The following NXPH1 variants were observed in gnomAD, a reference collection of about 807,000 sequenced individuals.
The protein encoded by NXPH1 is neurexophilin 1, also known as neurexophilin-1.
NXPH1 carries 5 observed loss-of-function variants against 23.7 expected under a neutral mutation model. The observed-to-expected ratio is 0.21, with a 90% CI of 0.11 to 0.44. The LOEUF is 0.44. Among genes scored for constraint, NXPH1 ranks in the 20% least tolerant of loss-of-function variants. The pLI, the probability that NXPH1 is intolerant of heterozygous loss-of-function variation, is 0.99. For synonymous variants in NXPH1, 144 were observed against 122.2 expected (o/e 1.18, Z -1.18); for missense variants, 324 against 321.6 (o/e 1.01, Z -0.06).
chr7:8,505,163 A>G (rs767590872), intron 2 of NXPH1, among the ~76,000 whole-genome samples: 8 of 151,958 alleles, frequency 5.3e-5, no homozygotes, highest in Non-Finnish European at 8.8e-5. Context: ...TCCTCATATT[A>G]AGTGAATGCC....
At chr7:8,523,407 A>G (rs1817807764) in intron 2 of NXPH1, among the ~76,000 whole-genome samples, 1 of 152,218 alleles carries the variant, frequency 6.6e-6, no homozygotes, top group Admixed American at 6.5e-5. Flanking sequence ...TCATGATTGT[A>G]CAAAAATAAC....
intron 2 of NXPH1, among the ~76,000 whole-genome samples, chr7:8,479,937 A>C (rs1372417846): frequency 2.0e-5 from 3 of 152,198 alleles, no homozygotes; most frequent in African/African-American, 7.2e-5. Flanking sequence ...GGGTAAATAG[A>C]GGGAAAGAAT....
intron 2 of NXPH1, among the ~76,000 whole-genome samples, chr7:8,561,151 C>A (rs1390456866): frequency 3.3e-5 from 5 of 151,590 alleles, no homozygotes; most frequent in African/African-American, 1.2e-4. Flanking sequence ...CTCAGCTGGG[C>A]TCTGATACTT....
rs543806832 is a variant in NXPH1 at position 8,483,276 on chromosome 7, G to C, written c.54+47509G>C. ...TACATCCATATTTATAAAATTATGA[G>C]GTTGAATTAGAAGTTTTAAGCATTG... On this transcript the variant is annotated intron_variant, in intron 2 of 2. Transcript: ENST00000405863. 4.6e-5 allele frequency among the ~76,000 whole-genome samples: 7 copies of C among 152,170 alleles called. No homozygotes were observed. The South Asian group carries it at 1.5e-3, about 32-fold the overall frequency.
At chr7:8,547,216 G>A (rs1242562129) in intron 2 of NXPH1, among the ~76,000 whole-genome samples, 1 of 151,436 alleles carries the variant, frequency 6.6e-6, no homozygotes, top group African/African-American at 2.4e-5. Context: ...TTGGAAGTGT[G>A]AGGGAGGGGG....
intron 2 of NXPH1, among the ~76,000 whole-genome samples, chr7:8,630,929 C>T (rs1820113307): frequency 1.3e-5 from 2 of 152,122 alleles, no homozygotes; most frequent in South Asian, 4.1e-4. Context: ...CTCCTTTCAC[C>T]CTCCACCCTC....
At chr7:8,559,682 G>A (rs1818410623) in intron 2 of NXPH1, among the ~76,000 whole-genome samples, 1 of 151,638 alleles carries the variant, frequency 6.6e-6, no homozygotes, top group Non-Finnish European at 1.5e-5. Context: ...TGGTGCCTTA[G>A]CAGGGCCAAG....
At chr7:8,548,084 C>G (rs2128619289) in intron 2 of NXPH1, among the ~76,000 whole-genome samples, 1 of 151,652 alleles carries the variant, frequency 6.6e-6, no homozygotes, top group African/African-American at 2.4e-5. Context: ...AGAAATTCAA[C>G]TAATTTACAT....
intron 2 of NXPH1, among the ~76,000 whole-genome samples, chr7:8,587,417 AT>A (rs1819001308): frequency 6.6e-6 from 1 of 151,922 alleles, no homozygotes; most frequent in Admixed American, 6.6e-5. Context: ...AGCTCAAGGG[AT>A]TCTTCCCAAT....
chr7:8,751,667 C>T lies in NXPH1; in HGVS notation c.714C>T (p.Ile238=), dbSNP rs773760900. The change falls in exon 3 of 3, where the codon ATC becomes ATT. Residue 238 remains isoleucine (I), a synonymous_variant. Transcript: ENST00000405863. This position sits in a 1 kb window ranked among gnomAD's most constrained non-coding sequence, Gnocchi z 4.5. ...SWLCSKPFKV[I]CIYISFYSTD... is the part of the protein sequence containing the mutation. ...TCTGCTCCAAGCCCTTTAAGGTGATCTGTATTTACATTTCCTTTTATAGTA... is the reference window on the plus strand; with the variant it reads ...TCTGCTCCAAGCCCTTTAAGGTGATTTGTATTTACATTTCCTTTTATAGTA... The T allele has an allele frequency of 1.2e-6, 2 of 1,613,176 alleles. No individual in the cohort carries two copies. Among genetic ancestry groups the T allele is most frequent in the Admixed American group, 1.7e-5 (1 of 59,802 alleles).
intron 2 of NXPH1, among the ~76,000 whole-genome samples, chr7:8,593,849 G>T (rs1819157343): frequency 6.6e-6 from 1 of 152,032 alleles, no homozygotes; most frequent in Non-Finnish European, 1.5e-5. Context: ...TAGATTGGAA[G>T]ATCCAAAATG....
At chr7:8,715,381 T>C (rs1779861287) in intron 2 of NXPH1, among the ~76,000 whole-genome samples, 1 of 152,182 alleles carries the variant, frequency 6.6e-6, no homozygotes, top group African/African-American at 2.4e-5. Context: ...TGATATGAAG[T>C]TGAAACCAGA....
chr7:8,522,779 G>T (rs913311374), intron 2 of NXPH1, among the ~76,000 whole-genome samples: 6 of 152,002 alleles, frequency 3.9e-5, no homozygotes, highest in African/African-American at 1.5e-4. Context: ...CCACCTCTAG[G>T]TCCAGCCCTA....
intron 2 of NXPH1, among the ~76,000 whole-genome samples, chr7:8,709,299 T>C (rs1164409051): frequency 6.6e-6 from 1 of 152,186 alleles, no homozygotes; most frequent in Non-Finnish European, 1.5e-5. Flanking sequence ...GTCATTCACA[T>C]GCTCCCTTTG....
chr7:8,723,802 G>C (rs1449622149), intron 2 of NXPH1, among the ~76,000 whole-genome samples: 1 of 152,140 alleles, frequency 6.6e-6, no homozygotes, highest in Non-Finnish European at 1.5e-5. Context: ...GGAATGTGTA[G>C]ATAGGATTCC....
rs112179712 is a variant in NXPH1, at chr7:8,492,566, T to C, written c.54+56799T>C. On this transcript the variant is annotated intron_variant, in intron 2 of 2. Transcript: ENST00000405863. ...GACACAATGGTGAATAAAACACACA[T>C]GATTGCTGACTTCATGGAGCTTACA... Among the ~76,000 whole-genome samples the C allele has an allele frequency of 1.4e-3, 201 of 148,842 alleles. 2 individuals are homozygous for C. The highest frequency in any genetic ancestry group is 4.6e-3 in the African/African-American group (188 of 41,250).
At chr7:8,626,329 T>C (rs1454334332) in intron 2 of NXPH1, among the ~76,000 whole-genome samples, 1 of 152,070 alleles carries the variant, frequency 6.6e-6, no homozygotes, top group Non-Finnish European at 1.5e-5. Context: ...TTGTTGAACC[T>C]CATGGACTAT....
intron 2 of NXPH1, among the ~76,000 whole-genome samples, chr7:8,528,980 C>T (rs990094360): frequency 1.4e-4 from 22 of 152,338 alleles, no homozygotes; most frequent in Admixed American, 1.2e-3. Flanking sequence ...ATGTAGTTCC[C>T]ATCTGGGGTT....
intron 2 of NXPH1, among the ~76,000 whole-genome samples, chr7:8,696,725 C>A (rs1779526265): frequency 6.6e-6 from 1 of 151,672 alleles, no homozygotes; most frequent in African/African-American, 2.4e-5. Flanking sequence ...CCTGTAGTCC[C>A]AGCTACTCGG....
Sources: gnomAD v4.1 joint callset for allele counts (sites outside exome capture counted in the v4.1 genomes callset) on GRCh38, gnomAD v4.1.1 for gene constraint, Gnocchi (gnomAD v3.1) non-coding constraint, MANE v1.5 for transcripts, NCBI Gene and HGNC (gene_info 2026-07-23, HGNC 2026-07-21) for gene names.